Variants in GGT7 observed in about 807,000 individuals in gnomAD.
GGT7 encodes gamma-glutamyltransferase 7.
A neutral mutation model predicts 69.2 loss-of-function variants in GGT7; 30 were observed. That is an observed-to-expected ratio of 0.43 (90% CI 0.32 to 0.59). The LOEUF (loss-of-function observed/expected upper bound fraction) is 0.59. GGT7 is among the 20% of genes least tolerant of loss of function. GGT7 has a pLI of 0.05. For synonymous variants in GGT7, 388 were observed against 391.8 expected (o/e 0.99, Z 0.12); for missense variants, 733 against 901.1 (o/e 0.81, Z 2.39).
At chr20:34,861,711 TCA>T in intron 3 of GGT7, 149 bp from the exon 4 acceptor site, 1 of 456,908 alleles carries the variant, frequency 2.2e-6, no homozygotes, top group Non-Finnish European at 3.7e-6. Flanking sequence ...CAGCATGGAT[TCA>T]CAGACTCAGC....
intron 14 of GGT7, among the ~76,000 whole-genome samples, chr20:34,846,545 G>A (rs964363414): frequency 4.0e-5 from 6 of 151,820 alleles, no homozygotes; most frequent in African/African-American, 1.4e-4. Context: ...CCTGACCTCA[G>A]GTGATCTGCC....
chr20:34,871,995 C>T (rs2079786646), intron 1 of GGT7, among the ~76,000 whole-genome samples: 1 of 152,104 alleles, frequency 6.6e-6, no homozygotes, highest in African/African-American at 2.4e-5. Flanking sequence ...GAGACTGCTT[C>T]CTAGGGAGCA....
At position 34,845,333 on chromosome 20, in the gene GGT7, G is replaced by C. The variant is rs1601207827; in HGVS notation, c.1984C>G (p.Leu662Val). ...CCCCGCCCCACCCCGCTGCTCTACA[G>C]GATGGTGGCTCCAGCTGCATCTGGG... ...RSPDAAGATI[L>V] The change falls in exon 15 of 15, where the codon CTG becomes GTG. Residue 662 changes from leucine to valine, a missense_variant. Transcript: ENST00000336431. The C allele has an allele frequency of 6.2e-7, 1 of 1,613,408 alleles. No homozygotes were observed.
chr20:34,845,153 A>ACCACCC lies in GGT7; in HGVS notation c.*174_*175insGGGTGG. On this transcript the variant is annotated 3_prime_UTR_variant, in exon 15 of 15. Coordinates refer to ENST00000336431, the MANE Select transcript of GGT7 (RefSeq NM_178026.3). ...CACCACCACCACCACCACCACCACCACAGGCCTCCTGATGGAGAATTTTCC... is the reference window on the plus strand; with the variant it reads ...CACCACCACCACCACCACCACCACCACCACCCCAGGCCTCCTGATGGAGAATTTTCC... 11 of 283,584 alleles carry ACCACCC rather than the reference A, an allele frequency of 3.9e-5. No individual in the cohort carries two copies. The highest frequency in any genetic ancestry group is 5.6e-5 in the South Asian group (2 of 36,018). 17.6% of individuals were successfully genotyped at this position (283,584 alleles called of 1,614,324 possible).
chr20:34,846,293 T>TCCC (rs1233266309), intron 14 of GGT7, among the ~76,000 whole-genome samples: 7 of 70,144 alleles, frequency 1.0e-4, no homozygotes, highest in Admixed American at 7.0e-4. Flanking sequence ...CCTCCCTCCC[T>TCCC]TCCTTTCTTT....
chr20:34,865,819 C>T (rs906393401), intron 1 of GGT7, among the ~76,000 whole-genome samples: 7 of 152,178 alleles, frequency 4.6e-5, no homozygotes, highest in Non-Finnish European at 8.8e-5. Flanking sequence ...AGCTGTGAAC[C>T]CAGGTCCCTA....
intron 1 of GGT7, among the ~76,000 whole-genome samples, chr20:34,864,511 A>G (rs2079656934): frequency 1.3e-5 from 2 of 152,036 alleles, no homozygotes; most frequent in African/African-American, 4.8e-5. Flanking sequence ...ACTTGAGGTC[A>G]GGAGTTTGAG....
At chr20:34,862,426 T>C (rs965618617) in intron 3 of GGT7, among the ~76,000 whole-genome samples, 2 of 151,996 alleles carry the variant, frequency 1.3e-5, no homozygotes, top group Admixed American at 6.6e-5. Flanking sequence ...GAGTTCTTAG[T>C]GCAGGGTGTA....
chr20:34,855,426 T>C (rs2079474011), intron 8 of GGT7, among the ~76,000 whole-genome samples: 1 of 152,198 alleles, frequency 6.6e-6, no homozygotes, highest in Non-Finnish European at 1.5e-5. Flanking sequence ...AACACTAACA[T>C]TAACTCATTT....
chr20:34,846,237 C>CCCTT (rs1211072109), intron 14 of GGT7, among the ~76,000 whole-genome samples: 1 of 151,772 alleles, frequency 6.6e-6, no homozygotes, highest in Non-Finnish European at 1.5e-5. Flanking sequence ...TTCCAGCCCT[C>CCCTT]CCTTCCTTCC....
chr20:34,861,652 G>A, intron 3 of GGT7, 90 bp from the exon 4 acceptor site: 1 of 760,234 alleles, frequency 1.3e-6, no homozygotes, highest in Non-Finnish European at 1.9e-6. Flanking sequence ...AGTGGTGAGA[G>A]CTGTAGGCTC....
chr20:34,849,159 TAC>T (rs2079346946), intron 14 of GGT7, among the ~76,000 whole-genome samples: 1 of 150,114 alleles, frequency 6.7e-6, no homozygotes, highest in African/African-American at 2.5e-5. Context: ...GGCTCTCTCT[TAC>T]TTTTTTTTTT....
rs1438838393 is a variant in GGT7, at chr20:34,848,102, AT to A, written c.1825+1858del. ...AGTGAGACTCTATCTCAAAAAAATA[AT>A]AAAATACATTTAGGCTAAAAAGGAA... On this transcript the variant is annotated intron_variant, in intron 14 of 14. Transcript: ENST00000336431. 5.9e-5 allele frequency among the ~76,000 whole-genome samples: 9 copies of A among 152,372 alleles called. No individual in the cohort carries two copies. The East Asian group carries it at 1.3e-3, about 23-fold the overall frequency.
At chr20:34,859,393 G>T in intron 7 of GGT7, 50 bp downstream of exon 7, 2 of 1,437,580 alleles carry the variant, frequency 1.4e-6, no homozygotes, top group Non-Finnish European at 1.9e-6. Context: ...CGGATGTCCT[G>T]CAATAGGGAC....
chr20:34,866,824 G>T (rs2079698356), intron 1 of GGT7, among the ~76,000 whole-genome samples: 1 of 152,078 alleles, frequency 6.6e-6, no homozygotes, highest in South Asian at 2.1e-4. Context: ...CAGGTGATCT[G>T]CCTGCCTCAG....
In GGT7 at chr20:34,848,057, C is replaced by G. The variant is rs7266944; in HGVS notation, c.1825+1904G>C. 3.9e-3 allele frequency among the ~76,000 whole-genome samples: 601 copies of G among 152,286 alleles called. 2 individuals carry two copies. The highest frequency in any genetic ancestry group is 0.014 in the African/African-American group (574 of 41,562). ...GAAGTGAGCTGAGATCGCACCACTG[C>G]ACTCCAGCCTGGGTGACAGAGTGAG... On this transcript the variant is annotated intron_variant, in intron 14 of 14. Coordinates refer to ENST00000336431, the MANE Select transcript of GGT7 (RefSeq NM_178026.3).
chr20:34,870,671 C>A (rs1236736621), intron 1 of GGT7, among the ~76,000 whole-genome samples: 1 of 151,396 alleles, frequency 6.6e-6, no homozygotes, highest in African/African-American at 2.4e-5. Context: ...GGGGTTTTGT[C>A]ATGTTGGCCA....
chr20:34,867,169 C>T (rs2079705224), intron 1 of GGT7, among the ~76,000 whole-genome samples: 1 of 152,128 alleles, frequency 6.6e-6, no homozygotes, highest in South Asian at 2.1e-4. Context: ...AAACAATCAT[C>T]CCGCCTCAGC....
At chr20:34,854,959 G>A in intron 8 of GGT7, 36 bp from the exon 9 acceptor site, 2 of 1,606,424 alleles carry the variant, frequency 1.2e-6, no homozygotes, top group Non-Finnish European at 1.7e-6. Context: ...GCAGGGTAGG[G>A]GTCAAGGCAC....
Sources: allele counts gnomAD v4.1 joint callset (sites outside exome capture counted in the v4.1 genomes callset), GRCh38; gene constraint gnomAD v4.1.1; transcripts MANE v1.5; gene names NCBI Gene and HGNC (gene_info 2026-07-23, HGNC 2026-07-21).